Variants in DNAH17 observed in about 807,000 individuals in gnomAD.
DNAH17 encodes the protein axonemal beta dynein heavy chain 17.
DNAH17 carries 376 observed loss-of-function variants against 485.6 expected under a neutral mutation model. The observed-to-expected ratio is 0.77, with a 90% CI of 0.71 to 0.84. The LOEUF is 0.84. Ranked by LOEUF, DNAH17 falls within the 40% of genes least tolerant of loss-of-function variation. The pLI, the probability that DNAH17 is intolerant of heterozygous loss-of-function variation, is 0.00. For synonymous variants in DNAH17, 3,031 were observed against 2,405.9 expected, an observed-to-expected ratio of 1.26 and a Z score of -7.60; for missense variants, 6,370 against 5,839.3, an observed-to-expected ratio of 1.09 and a Z score of -2.96.
At chr17:78,478,221 C>T (rs986229523) in intron 51 of DNAH17, among the ~76,000 whole-genome samples, 219 of 68,054 alleles carry the variant, frequency 3.2e-3, no homozygotes, top group Middle Eastern at 0.02. Context: ...ACCATCATCA[C>T]CACATCACCA....
rs115249773 is a variant in DNAH17 at position 78,525,690 on chromosome 17, G to A, written c.3712-529C>T. Among the ~76,000 whole-genome samples the A allele has an allele frequency of 4.6e-3, 702 of 152,328 alleles. 3 individuals are homozygous for A. The highest frequency in any genetic ancestry group is 0.016 in the African/African-American group (659 of 41,578). ...GGAGCGTGTGCACACACATGGACACGCAGGGACTGCCTGCTCTGGTCACCA... is the reference window on the plus strand; with the variant it reads ...GGAGCGTGTGCACACACATGGACACACAGGGACTGCCTGCTCTGGTCACCA... On this transcript the variant is annotated intron_variant, in intron 24 of 80. Coordinates refer to ENST00000389840, the MANE Select transcript of DNAH17 (RefSeq NM_173628.4).
intron 71 of DNAH17, among the ~76,000 whole-genome samples, chr17:78,442,394 G>A (rs1312438294): frequency 6.6e-6 from 1 of 152,208 alleles, no homozygotes; most frequent in Non-Finnish European, 1.5e-5. Context: ...TCCTGAACTG[G>A]GGCCAGCCTC....
chr17:78,558,030 G>GA (rs1187758797), intron 14 of DNAH17, 78 bp downstream of exon 14: 13 of 1,492,608 alleles, frequency 8.7e-6, no homozygotes, highest in Non-Finnish European at 1.2e-5. Flanking sequence ...CCACATCTCT[G>GA]AAACACACAA....
chr17:78,465,929 G>A (rs916131012), intron 56 of DNAH17, among the ~76,000 whole-genome samples: 7 of 152,200 alleles, frequency 4.6e-5, no homozygotes, highest in Non-Finnish European at 7.3e-5. Context: ...TCTGGGAGGT[G>A]TGCCCAGCAG....
rs1043357745 is a variant in DNAH17 at position 78,475,156 on chromosome 17, G to A, written c.8511+122C>T. Reference sequence around the variant, plus strand: ...TCTAAGATAAAGACCCTTTGGATAAGGACTATTGGTGATGCTCGGATTCCC... The same window carrying A: ...TCTAAGATAAAGACCCTTTGGATAAAGACTATTGGTGATGCTCGGATTCCC... On this transcript the variant is annotated intron_variant, in intron 54 of 80. Transcript: ENST00000389840. 9.7e-6 allele frequency: 11 copies of A among 1,130,366 alleles called. No individual in the cohort carries two copies. The African/African-American group carries it at 1.2e-4, about 13-fold the overall frequency. The allele number at this position is 1,130,366 out of a possible 1,614,324, so 70.0% of individuals were successfully genotyped here.
In DNAH17 at chr17:78,454,674, G is replaced by A. The variant is rs189256331; in HGVS notation, c.10202C>T (p.Pro3401Leu). The A allele has an allele frequency of 5.0e-4, 799 of 1,612,874 alleles. 2 individuals are homozygous for A. The highest frequency in any genetic ancestry group is 1.0e-4 in the Non-Finnish European group (123 of 1,179,868). The change falls in exon 64 of 81, where the codon CCC becomes CTC. Residue 3401 changes from proline (P) to leucine (L), a missense_variant. Physicochemically the swap from Pro to Leu is moderately conservative, Grantham distance 98. Transcript: ENST00000389840. ...VPIPITNGLD[P>L]LSLLTDDADV... ...CGCGTCATCTGTCAGCAGGCTCAAGGGATCCAGGCCATTCGTGATCGGGAT... is the reference window on the plus strand; with the variant it reads ...CGCGTCATCTGTCAGCAGGCTCAAGAGATCCAGGCCATTCGTGATCGGGAT...
chr17:78,536,285 TAA>T (rs113161704), intron 19 of DNAH17, among the ~76,000 whole-genome samples: 2 of 150,654 alleles, frequency 1.3e-5, no homozygotes, highest in East Asian at 1.9e-4. Context: ...TAAAAATATA[TAA>T]AAAAAAAGAA....
intron 14 of DNAH17, among the ~76,000 whole-genome samples, chr17:78,554,132 G>T (rs943659083): frequency 6.6e-6 from 1 of 152,010 alleles, no homozygotes. Context: ...GAAAACCCAG[G>T]ATCTGCAGAG....
Position 78,485,103 on chromosome 17 carries a change from G to A in DNAH17, c.7484-70C>T, listed in dbSNP as rs1420108588. ...CAGAGCCTGTTAGGTAGGGAGGGGC[G>A]CTACCTGCTTCCCCGGAGGACAGAA... On this transcript the variant is annotated intron_variant, in intron 47 of 80. Coordinates refer to ENST00000389840, the MANE Select transcript of DNAH17 (RefSeq NM_173628.4). 25 of 1,482,932 alleles carry A rather than the reference G, an allele frequency of 1.7e-5. No homozygotes were observed. The South Asian group carries it at 3.2e-4, about 19-fold the overall frequency. 91.9% of individuals were successfully genotyped at this position (1,482,932 alleles called of 1,614,324 possible). A position where few individuals can be genotyped will look rare whatever the true frequency, so the allele number is the denominator to read the frequency against.
intron 2 of DNAH17, 56 bp from the exon 3 acceptor site, chr17:78,572,950 C>T (rs1028904174): frequency 2.8e-5 from 43 of 1,518,196 alleles, no homozygotes; most frequent in African/African-American, 5.8e-5. Context: ...GCTCGGCAAC[C>T]GCACAGAGCC....
At chr17:78,456,774 C>T (rs374990416) in intron 62 of DNAH17, among the ~76,000 whole-genome samples, 8 of 152,240 alleles carry the variant, frequency 5.3e-5, no homozygotes, top group African/African-American at 1.2e-4. Context: ...GAGACCATTT[C>T]GATTTGGCAG....
chr17:78,545,129 C>A lies in DNAH17; in HGVS notation c.2392-1132G>T, dbSNP rs556806410. ...GCTGCCTCTGTGACTCTGGGGTGAA[C>A]GATGAAGACTTAGATCACCCGCCTC... On this transcript the variant is annotated intron_variant, in intron 16 of 80. Coordinates refer to ENST00000389840, the MANE Select transcript of DNAH17 (RefSeq NM_173628.4). 7.9e-5 allele frequency among the ~76,000 whole-genome samples: 12 copies of A among 152,178 alleles called. No individual in the cohort carries two copies. In the South Asian group the frequency reaches 2.5e-3, roughly 32 times the overall value.
Position 78,476,570 on chromosome 17 carries a change from A to C in DNAH17, c.8154+2T>G, listed in dbSNP as rs1268133024. On this transcript the variant is annotated splice_donor_variant, in intron 52 of 80. Transcript: ENST00000389840. LOFTEE classifies it high-confidence loss of function. ...GCAGAGGGACTGGGCAGCTTGACTT[A>C]CATCAAAGAACTTCTTGGTGGAGGC... 1 of 1,608,204 alleles carries C rather than the reference A, an allele frequency of 6.2e-7. No homozygotes were observed. The highest frequency in any genetic ancestry group is 1.3e-5 in the African/African-American group (1 of 74,794).
rs1044056941 is a variant in DNAH17 at position 78,460,020 on chromosome 17, A to G, written c.9436-19T>C. On this transcript the variant is annotated intron_variant, in intron 59 of 80. Transcript: ENST00000389840. ...GGTTGTTCTGCAAATGACAGACGGG[A>G]TGGGTCCGATGGGAGTTTGGACCGG... is the stretch of plus-strand genomic sequence containing the variant. 5.0e-6 allele frequency: 8 copies of G among 1,611,228 alleles called. No homozygotes were observed. The African/African-American group carries it at 9.3e-5, about 19-fold the overall frequency.
At position 78,425,384 on chromosome 17, in the gene DNAH17, G is replaced by A. The variant is rs551925884; in HGVS notation, c.13103C>T (p.Pro4368Leu). The A allele has an allele frequency of 2.9e-5, 46 of 1,613,990 alleles. No homozygotes were observed. The highest frequency in any genetic ancestry group is 1.6e-4 in the Middle Eastern group (1 of 6,062). The change falls in exon 80 of 81, where the codon CCG (proline) becomes CTG (leucine). Residue 4368 changes from proline (P) to leucine (L), a missense_variant. Physicochemically the swap from Pro to Leu is moderately conservative, Grantham distance 98 (BLOSUM62 -3). Transcript: ENST00000389840. ...KKNREDMTAP[P>L]REGSYVYGLF... Reference sequence around the variant, plus strand: ...TCCGTACACGTAGGAGCCCTCTCGCGGAGGAGCGGTCATGTCCTCTCGGTT... The same window carrying A: ...TCCGTACACGTAGGAGCCCTCTCGCAGAGGAGCGGTCATGTCCTCTCGGTT...
intron 25 of DNAH17, among the ~76,000 whole-genome samples, chr17:78,519,886 G>C (rs1443128172): frequency 6.6e-6 from 1 of 152,088 alleles, no homozygotes. Flanking sequence ...GAGGTGGGTG[G>C]ATCACCTGCG....
intron 14 of DNAH17, among the ~76,000 whole-genome samples, chr17:78,555,917 T>G (rs947020707): frequency 1.3e-5 from 2 of 152,230 alleles, no homozygotes; most frequent in African/African-American, 4.8e-5. Context: ...GCCTTTGGAC[T>G]GGGATTTACA....
chr17:78,570,878 A>AT, intron 6 of DNAH17, 70 bp downstream of exon 6: 9 of 735,082 alleles, frequency 1.2e-5, no homozygotes, highest in South Asian at 1.9e-5. Flanking sequence ...AAAAAAAAAA[A>AT]GAAAAAAGAA....
At chr17:78,463,419 T>C (rs1271901697) in intron 56 of DNAH17, among the ~76,000 whole-genome samples, 2 of 150,106 alleles carry the variant, frequency 1.3e-5, no homozygotes, top group African/African-American at 2.5e-5. Flanking sequence ...TTCACATACC[T>C]GCATATATAC....
Sources: allele counts gnomAD v4.1 joint callset (sites outside exome capture counted in the v4.1 genomes callset), GRCh38; gene constraint gnomAD v4.1.1; transcripts MANE v1.5; gene names NCBI Gene and HGNC (gene_info 2026-07-23, HGNC 2026-07-21).